Variants in RABGAP1 observed in about 807,000 individuals in gnomAD.
RABGAP1 encodes rab GTPase-activating protein 1.
A neutral mutation model predicts 137.6 loss-of-function variants in RABGAP1; 23 were observed. The ratio of observed to expected loss-of-function variants is 0.17; its 90% CI spans 0.12 to 0.24. RABGAP1 has a LOEUF of 0.24. Among genes scored for constraint, RABGAP1 ranks in the 10% least tolerant of loss-of-function variants. The pLI is 1.00. For synonymous variants in RABGAP1, 451 were observed against 450.7 expected, an observed-to-expected ratio of 1.00 and a Z score of -0.01; for missense variants, 906 against 1,275.8, an observed-to-expected ratio of 0.71 and a Z score of 4.42.
At chr9:123,002,717 A>G (rs1837390269) in intron 10 of RABGAP1, among the ~76,000 whole-genome samples, 1 of 152,056 alleles carries the variant, frequency 6.6e-6, no homozygotes, top group Non-Finnish European at 1.5e-5. Flanking sequence ...ATTATCATAC[A>G]GTATGTTATT....
intron 19 of RABGAP1, among the ~76,000 whole-genome samples, chr9:123,078,631 A>T (rs1053405172): frequency 6.6e-6 from 1 of 152,178 alleles, no homozygotes; most frequent in Non-Finnish European, 1.5e-5. Context: ...GGTTCAGCAC[A>T]CAAGAGGATG....
At position 122,957,203 on chromosome 9, in the gene RABGAP1, A is replaced by C. The variant is rs773840333; in HGVS notation, c.144A>C (p.Gly48=). 33 of 1,526,906 alleles carry C rather than the reference A, an allele frequency of 2.2e-5. No individual in the cohort carries two copies. The highest frequency in any genetic ancestry group is 3.5e-4 in the Middle Eastern group (2 of 5,716). The allele number at this position is 1,526,906 out of a possible 1,614,324, so 94.6% of individuals were successfully genotyped here. A position where few individuals can be genotyped will look rare whatever the true frequency, so the allele number is the denominator to read the frequency against. ...TNNGSDDEKT[G]LKIVGNGSEQ... ...ATGGAAGTGATGATGAGAAAACAGG[A>C]CTCAAGGTAAAACTCCCTAACCTAA... The change falls in exon 2 of 26, where the codon GGA becomes GGC. Residue 48 remains glycine, a synonymous_variant. Coordinates refer to ENST00000373647, the MANE Select transcript of RABGAP1 (RefSeq NM_012197.4).
the RABGAP1 span, among the ~76,000 whole-genome samples, chr9:122,934,373 C>T: frequency 7.9e-5 from 12 of 152,292 alleles, no homozygotes; most frequent in South Asian, 2.1e-4. Flanking sequence ...CCACCACGCC[C>T]GGCCTCTAAC....
chr9:122,959,442 G>A (rs1296714763), intron 2 of RABGAP1, among the ~76,000 whole-genome samples: 2 of 150,390 alleles, frequency 1.3e-5, no homozygotes, highest in Admixed American at 1.3e-4. Context: ...ATTTTTAAAA[G>A]CTCACTGGTT....
intron 2 of RABGAP1, among the ~76,000 whole-genome samples, chr9:122,982,783 C>T (rs1391126301): frequency 6.6e-6 from 1 of 152,108 alleles, no homozygotes; most frequent in East Asian, 1.9e-4. Flanking sequence ...TGCCTGTAGT[C>T]ACAGTTCCTG....
intron 2 of RABGAP1, among the ~76,000 whole-genome samples, chr9:122,984,242 A>G (rs1355432098): frequency 6.6e-6 from 1 of 152,212 alleles, no homozygotes; most frequent in Non-Finnish European, 1.5e-5. Flanking sequence ...GCTATCGCAT[A>G]TATTTCTGGG....
At chr9:123,006,138 T>C (rs1349717617) in intron 10 of RABGAP1, among the ~76,000 whole-genome samples, 3 of 152,254 alleles carry the variant, frequency 2.0e-5, no homozygotes, top group Admixed American at 6.5e-5. Context: ...TTGTCACTTA[T>C]CTTTTAGCTT....
chr9:123,076,595 C>G lies in RABGAP1; in HGVS notation c.2296-39C>G, dbSNP rs150702925. 252 of 1,560,544 alleles carry G rather than the reference C, an allele frequency of 1.6e-4. 1 individual carries two copies. In the East Asian group the frequency reaches 5.8e-3, roughly 36 times the overall value. ...AAAAACTTCTTGTGCATCCTTATAGCAACACATTTTTTCTATATGTGTTTG... is the reference window on the plus strand; with the variant it reads ...AAAAACTTCTTGTGCATCCTTATAGGAACACATTTTTTCTATATGTGTTTG... On this transcript the variant is annotated intron_variant, in intron 18 of 25. Coordinates refer to ENST00000373647, the MANE Select transcript of RABGAP1 (RefSeq NM_012197.4).
At chr9:123,062,667 C>T (rs1460757352) in intron 13 of RABGAP1, 2 of 152,152 alleles carry the variant, frequency 1.3e-5, no homozygotes, top group Non-Finnish European at 2.9e-5. Context: ...CTGATAATTC[C>T]ATGATTAATG....
intron 13 of RABGAP1, among the ~76,000 whole-genome samples, chr9:123,044,757 G>A (rs1290608375): frequency 1.3e-5 from 2 of 152,058 alleles, no homozygotes; most frequent in Non-Finnish European, 2.9e-5. Context: ...GTGTTCAAAG[G>A]CAAGGAGGTG....
Position 123,094,909 on chromosome 9 carries a change from G to A in RABGAP1, c.2629-2832G>A, listed in dbSNP as rs1588410628. Among the ~76,000 whole-genome samples the A allele has an allele frequency of 1.3e-5, 2 of 152,232 alleles. 1 individual carries two copies. Among genetic ancestry groups the A allele is most frequent in the South Asian group, 4.1e-4 (2 of 4,820 alleles). On this transcript the variant is annotated intron_variant, in intron 21 of 25. Transcript: ENST00000373647. ...TTTCATCTTAAGTATGTTGATATAA[G>A]GTTGTTTGTATTCTTTTAATATTTA...
intron 13 of RABGAP1, chr9:123,034,845 C>T (rs1387776060): frequency 1.9e-6 from 3 of 1,613,946 alleles, no homozygotes; most frequent in Admixed American, 1.7e-5. Flanking sequence ...TCCATCACCC[C>T]CTTCCAGTAG....
intron 10 of RABGAP1, among the ~76,000 whole-genome samples, chr9:123,006,276 T>TCCTA (rs1393338339): frequency 1.3e-5 from 2 of 152,206 alleles, no homozygotes; most frequent in Non-Finnish European, 2.9e-5. Context: ...ACTCCCAAGT[T>TCCTA]ACAAAAAGAA....
chr9:123,017,160 T>C (rs1259383891), intron 12 of RABGAP1, among the ~76,000 whole-genome samples: 1 of 152,244 alleles, frequency 6.6e-6, no homozygotes, highest in African/African-American at 2.4e-5. Context: ...GCAGGAATTT[T>C]ATCTGTATAA....
chr9:123,100,922 A>G (rs1227444105), intron 24 of RABGAP1, among the ~76,000 whole-genome samples: 1 of 152,198 alleles, frequency 6.6e-6, no homozygotes, highest in Non-Finnish European at 1.5e-5. Flanking sequence ...TCATTCTGAG[A>G]TAAGCATTTC....
intron 12 of RABGAP1, among the ~76,000 whole-genome samples, chr9:123,019,721 C>T (rs756739197): frequency 6.9e-5 from 10 of 145,872 alleles, no homozygotes; most frequent in African/African-American, 1.8e-4. Context: ...GAGACAGTCT[C>T]GCTCTGTCAC....
chr9:123,101,849 G>A, intron 25 of RABGAP1, 86 bp downstream of exon 25: 1 of 1,387,070 alleles, frequency 7.2e-7, no homozygotes, highest in African/African-American at 1.5e-5. Flanking sequence ...TTTATGGTTT[G>A]GGGTTTTTCC....
At chr9:123,029,383 A>G (rs2131970750) in intron 13 of RABGAP1, 3 of 1,297,066 alleles carry the variant, frequency 2.3e-6, no homozygotes, top group South Asian at 1.2e-5. Flanking sequence ...CTGTTCATGC[A>G]TCTTCACCAG....
chr9:122,985,087 T>C (rs2131746971), intron 3 of RABGAP1, among the ~76,000 whole-genome samples: 1 of 152,082 alleles, frequency 6.6e-6, no homozygotes, highest in East Asian at 1.9e-4. Context: ...AGATGTTTGC[T>C]CCAGACCTAT....
Sources: gnomAD v4.1 joint callset for allele counts (sites outside exome capture counted in the v4.1 genomes callset) on GRCh38, gnomAD v4.1.1 for gene constraint, MANE v1.5 for transcripts, NCBI Gene and HGNC (gene_info 2026-07-23, HGNC 2026-07-21) for gene names.